The following CEACAM1 variants were observed in gnomAD, a reference collection of about 807,000 sequenced individuals.
CEACAM1 encodes the protein CEA cell adhesion molecule 1.
Under a neutral mutation model 49.1 loss-of-function variants are expected in CEACAM1, and 31 were observed. The ratio of observed to expected loss-of-function variants is 0.63; its 90% CI spans 0.47 to 0.85. The LOEUF (loss-of-function observed/expected upper bound fraction) is 0.85. Among genes scored for constraint, CEACAM1 ranks in the 40% least tolerant of loss-of-function variants. The probability of loss-of-function intolerance (pLI) is 0.00; values close to 1 mark genes in which losing one functional copy is unlikely to be tolerated. For missense variants in CEACAM1, 570 were observed against 645.3 expected, an observed-to-expected ratio of 0.88 and a Z score of 1.26; for synonymous variants, 244 against 247.8, an observed-to-expected ratio of 0.98 and a Z score of 0.14.
intron 8 of CEACAM1, among the ~76,000 whole-genome samples, chr19:42,510,223 C>G (rs144507588): frequency 1.6e-4 from 24 of 152,260 alleles, no homozygotes; most frequent in African/African-American, 5.8e-4. Flanking sequence ...GTAGCTGGGA[C>G]TACAGGCGCC....
Position 42,521,462 on chromosome 19 carries a change from G to A in CEACAM1, c.763C>T (p.Leu255Phe). 1 of 1,614,220 alleles carries A rather than the reference G, an allele frequency of 6.2e-7. No homozygotes were observed. The highest frequency in any genetic ancestry group is 8.5e-7 in the Non-Finnish European group (1 of 1,180,036). Residue 255 changes from leucine (L) to phenylalanine (F), a missense_variant, in exon 4 of 9, where the codon CTC becomes TTC. Coordinates refer to ENST00000161559, the MANE Select transcript of CEACAM1 (RefSeq NM_001712.5). Reference protein sequence around the residue: ...SDTYYRPGANLSLSCYAASNP... With the variant: ...SDTYYRPGANFSLSCYAASNP... The stretch of plus-strand genomic sequence containing the variant: ...GAGGCTGCATAGCAGGAGAGGCTGA[G>A]GTTTGCCCCTGGACGGTAATAGGTG...
At chr19:42,511,763 T>C (rs2041462372) in intron 6 of CEACAM1, 135 bp from the exon 7 acceptor site, 1 of 744,240 alleles carries the variant, frequency 1.3e-6, no homozygotes, top group Non-Finnish European at 2.3e-6. Context: ...GAGGGCCTCG[T>C]TCTTCAGTCT....
At chr19:42,516,706 A>G (rs1431973777) in intron 5 of CEACAM1, 1 of 192,340 alleles carries the variant, frequency 5.2e-6, no homozygotes, top group African/African-American at 2.4e-5. Context: ...CTTGAAAAAG[A>G]ACAAAGTTGA....
At position 42,527,395 on chromosome 19, in the gene CEACAM1, G is replaced by C. The variant is rs1346903305; in HGVS notation, c.70C>G (p.Leu24Val). 1.9e-6 allele frequency: 3 copies of C among 1,597,956 alleles called. No homozygotes were observed. Among genetic ancestry groups the C allele is most frequent in the Admixed American group, 3.4e-5 (2 of 58,986 alleles). Residue 24 changes from leucine (L) to valine (V), a missense_variant, in exon 2 of 9, where the codon CTT becomes GTT. Leu to Val is a conservative substitution (Grantham distance 32). Coordinates refer to ENST00000161559, the MANE Select transcript of CEACAM1 (RefSeq NM_001712.5). ...PWQGLLLTASLLTFWNPPTTA... is the reference protein window; with the variant it reads ...PWQGLLLTASVLTFWNPPTTA... The stretch of plus-strand genomic sequence containing the variant: ...GTGGGCGGGTTCCAGAAGGTTAGAA[G>C]TGAGGCTAGGAGAGAGGAGAGAGCA...
intron 6 of CEACAM1, 101 bp downstream of exon 6, chr19:42,512,249 G>C: frequency 7.3e-7 from 1 of 1,376,690 alleles, no homozygotes. Flanking sequence ...AGTGGGAGGA[G>C]TATGAGATCC....
At chr19:42,509,485 G>A (rs1490640739) in intron 8 of CEACAM1, among the ~76,000 whole-genome samples, 4 of 152,208 alleles carry the variant, frequency 2.6e-5, no homozygotes, top group Non-Finnish European at 4.4e-5. Context: ...CAATATGGAT[G>A]AGTCTCACAA....
chr19:42,509,087 G>T lies in CEACAM1; in HGVS notation c.*22C>A, dbSNP rs776708586. On this transcript the variant is annotated 3_prime_UTR_variant, in exon 9 of 9. Coordinates refer to ENST00000161559, the MANE Select transcript of CEACAM1 (RefSeq NM_001712.5). ...GAGAGACTTGAAATACATCAGCACT[G>T]CAGTGAGCAGGACAGGTTTCATTAC... is the stretch of plus-strand genomic sequence containing the variant. The T allele has an allele frequency of 3.3e-5, 54 of 1,613,552 alleles. 1 individual carries two copies. Among genetic ancestry groups the T allele is most frequent in the Non-Finnish European group, 8.5e-6 (10 of 1,179,620 alleles).
intron 7 of CEACAM1, chr19:42,511,336 G>C: frequency 3.4e-6 from 2 of 590,522 alleles, no homozygotes; most frequent in South Asian, 4.2e-5. Context: ...TGGAAACATG[G>C]GATCTTCCTC....
At chr19:42,524,212 T>G (rs1029037625) in intron 2 of CEACAM1, among the ~76,000 whole-genome samples, 1 of 152,202 alleles carries the variant, frequency 6.6e-6, no homozygotes, top group Non-Finnish European at 1.5e-5. Flanking sequence ...TCCCACCTTA[T>G]GACAATGGTG....
chr19:42,527,333 A>G lies in CEACAM1; in HGVS notation c.132T>C (p.Asn44=). The G allele has an allele frequency of 6.2e-7, 1 of 1,613,908 alleles. No homozygotes were observed. Among genetic ancestry groups the G allele is most frequent in the Non-Finnish European group, 8.5e-7 (1 of 1,179,878 alleles). The change falls in exon 2 of 9, where the codon AAT becomes AAC. Residue 44 remains asparagine (N), a synonymous_variant. Transcript: ENST00000161559. ...GAAGAACCTCCTTCCCCTCTGCAAC[A>G]TTGAATGGCATGGATTCAGTAGTGA... ...AQLTTESMPF[N]VAEGKEVLLL... is the part of the protein sequence containing the mutation.
intron 2 of CEACAM1, among the ~76,000 whole-genome samples, chr19:42,526,102 C>T (rs567344689): frequency 4.3e-4 from 66 of 152,152 alleles, no homozygotes; most frequent in African/African-American, 1.4e-3. Context: ...ATTACAGGCA[C>T]GCACCACCAT....
chr19:42,512,948 G>T (rs2041498663), intron 5 of CEACAM1, among the ~76,000 whole-genome samples: 3 of 152,144 alleles, frequency 2.0e-5, no homozygotes, highest in Admixed American at 1.3e-4. Flanking sequence ...TTATAGGCGT[G>T]AGCCACTGCG....
Position 42,512,425 on chromosome 19 carries a change from A to T in CEACAM1, c.1301T>A (p.Val434Glu), listed in dbSNP as rs1422668644. Residue 434 changes from valine (V) to glutamate (E), a missense_variant, in exon 6 of 9, where the codon GTG becomes GAG. Physicochemically the swap from Val to Glu is moderately radical, Grantham distance 121. Transcript: ENST00000161559. ...AGCAACCAGGGCCACTACTCCAATC[A>T]CAATGCCAGCAATGGCCCCAGGTGA... ...GLSPGAIAGI[V>E]IGVVALVALI... 2.5e-6 allele frequency: 4 copies of T among 1,614,030 alleles called. No homozygotes were observed. In the South Asian group the frequency reaches 3.3e-5, roughly 13 times the overall value.
At chr19:42,513,108 G>A (rs188306984) in intron 5 of CEACAM1, among the ~76,000 whole-genome samples, 26 of 152,296 alleles carry the variant, frequency 1.7e-4, no homozygotes, top group African/African-American at 6.0e-4. Context: ...CACCTTTTTC[G>A]TGGTTGCATC....
chr19:42,512,673 TTTTTC>T (rs953769176), intron 5 of CEACAM1, among the ~76,000 whole-genome samples, 194 bp from the exon 6 acceptor site: 13 of 151,832 alleles, frequency 8.6e-5, no homozygotes, highest in African/African-American at 1.7e-4. Flanking sequence ...CATGTTTCTT[TTTTTC>T]TTTTCTTTTT....
At position 42,521,518 on chromosome 19, in the gene CEACAM1, C is replaced by T. The variant is rs2041747027; in HGVS notation, c.707G>A (p.Gly236Asp). ...AGGGGAAATGGTGGGGGTGTCCGGGCCATCTGGAGCAAAGAGAATAAAGCC... is the reference window on the plus strand; with the variant it reads ...AGGGGAAATGGTGGGGGTGTCCGGGTCATCTGGAGCAAAGAGAATAAAGCC... Reference protein sequence around the residue: ...SDPVTLNVTYGPDTPTISPSD... With the variant: ...SDPVTLNVTYDPDTPTISPSD... Residue 236 changes from glycine to aspartate, a missense_variant, in exon 4 of 9, where the codon GGC becomes GAC. Physicochemically the swap from Gly to Asp is moderately conservative, Grantham distance 94. Transcript: ENST00000161559. 1 of 1,612,948 alleles carries T rather than the reference C, an allele frequency of 6.2e-7. No homozygotes were observed. The highest frequency in any genetic ancestry group is 8.5e-7 in the Non-Finnish European group (1 of 1,179,428).
chr19:42,518,664 A>ATT, intron 5 of CEACAM1: 1 of 345,150 alleles, frequency 2.9e-6, no homozygotes, highest in Non-Finnish European at 5.4e-6. Flanking sequence ...TGCCCGGCTA[A>ATT]TTTTTTTTTG....
chr19:42,519,743 G>A (rs990831587), intron 4 of CEACAM1, among the ~76,000 whole-genome samples: 3 of 151,874 alleles, frequency 2.0e-5, no homozygotes, highest in African/African-American at 7.3e-5. Flanking sequence ...CTAATTTTTT[G>A]TATTTTTAGT....
Position 42,522,193 on chromosome 19 carries a change from G to C in CEACAM1, c.434C>G (p.Pro145Arg), listed in dbSNP as rs1225750520. 6.2e-7 allele frequency: 1 copy of C among 1,614,210 alleles called. No homozygotes were observed. Residue 145 changes from proline (P) to arginine (R), a missense_variant, in exon 3 of 9, where the codon CCC (proline) becomes CGC (arginine). By Grantham distance (103) the Pro-to-Arg change is moderately radical (BLOSUM62 -2). Coordinates refer to ENST00000161559, the MANE Select transcript of CEACAM1 (RefSeq NM_001712.5). ...GTTGTTGCTGGAGATGGAGGGCTTGGGCAGCTCCGCTATGCAGAAAACAGA... is the reference window on the plus strand; with the variant it reads ...GTTGTTGCTGGAGATGGAGGGCTTGCGCAGCTCCGCTATGCAGAAAACAGA... ...TGQFHVYPEL[P>R]KPSISSNNSN...
Sources: allele counts gnomAD v4.1 joint callset (sites outside exome capture counted in the v4.1 genomes callset), GRCh38; gene constraint gnomAD v4.1.1; transcripts MANE v1.5; gene names NCBI Gene and HGNC (gene_info 2026-07-23, HGNC 2026-07-21).